The following VWDE variants were observed in gnomAD, a reference collection of about 807,000 sequenced individuals.
VWDE encodes the protein von Willebrand factor D and EGF domain-containing protein.
A neutral mutation model predicts 178.4 loss-of-function variants in VWDE; 207 were observed. The observed-to-expected ratio is 1.16, with a 90% CI of 1.04 to 1.30. The LOEUF is 1.30. VWDE is among the 50% of genes most tolerant of loss of function. The pLI is 0.00. For missense variants in VWDE, 2,287 were observed against 1,901.3 expected (o/e 1.20, Z -3.77); for synonymous variants, 738 against 651.4 (o/e 1.13, Z -2.02).
chr7:12,380,283 A>G (rs371187816), intron 5 of VWDE, among the ~76,000 whole-genome samples: 1 of 151,432 alleles, frequency 6.6e-6, no homozygotes, highest in African/African-American at 2.4e-5. Context: ...CTAAAATGAT[A>G]TATTCATATA....
chr7:12,371,593 C>T (rs78037542), intron 10 of VWDE, among the ~76,000 whole-genome samples: 4,877 of 152,120 alleles, frequency 0.032, 290 homozygotes, highest in African/African-American at 0.11. Context: ...AAAAATAACT[C>T]TTTTTTTCTC....
chr7:12,393,581 G>A lies in VWDE; in HGVS notation c.243+13C>T, dbSNP rs1005803352. On this transcript the variant is annotated intron_variant, in intron 2 of 28. Transcript: ENST00000275358. The stretch of plus-strand genomic sequence containing the variant: ...AAGGAAAATAACATGCAGTACTTAG[G>A]GAGTTGACATACCTCAACACATTTG... 2.1e-5 allele frequency: 32 copies of A among 1,527,890 alleles called. No homozygotes were observed. Among genetic ancestry groups the A allele is most frequent in the Non-Finnish European group, 2.8e-5 (32 of 1,134,936 alleles). 94.6% of individuals were successfully genotyped at this position (1,527,890 alleles called of 1,614,324 possible). A position where few individuals can be genotyped will look rare whatever the true frequency, so the allele number is the denominator to read the frequency against.
rs1224849402 is a variant in VWDE, at chr7:12,377,867, C to G, written c.933G>C (p.Arg311Ser). ...AAATAATAGGAACTGTGCTTTCTAT[C>G]CTCAGGTAGTATTCTTTCCCATCCT... Reference protein sequence around the residue: ...ISEDGKEYYLRIESTVPIICS... With the variant: ...ISEDGKEYYLSIESTVPIICS... The change falls in exon 7 of 29, where the codon AGG becomes AGC. Residue 311 changes from arginine to serine, a missense_variant. Physicochemically the swap from Arg to Ser is moderately radical, Grantham distance 110. Coordinates refer to ENST00000275358, the MANE Select transcript of VWDE (RefSeq NM_001135924.3). 1 of 1,526,752 alleles carries G rather than the reference C, an allele frequency of 6.5e-7. No individual in the cohort carries two copies. Among genetic ancestry groups the G allele is most frequent in the Non-Finnish European group, 8.8e-7 (1 of 1,135,554 alleles). The allele number at this position is 1,526,752 out of a possible 1,614,324, so 94.6% of individuals were successfully genotyped here. A position where few individuals can be genotyped will look rare whatever the true frequency, so the allele number is the denominator to read the frequency against.
intron 3 of VWDE, among the ~76,000 whole-genome samples, chr7:12,386,315 C>T (rs977223117): frequency 6.6e-5 from 10 of 152,200 alleles, no homozygotes; most frequent in African/African-American, 2.4e-4. Flanking sequence ...ATGCCACTAG[C>T]TATACTAAAC....
In VWDE at chr7:12,357,371, A is replaced by C; in HGVS notation, c.3419T>G (p.Val1140Gly). The change falls in exon 17 of 29, where the codon GTT (valine) becomes GGT (glycine). Residue 1140 changes from valine to glycine, a missense_variant. Physicochemically the swap from Val to Gly is moderately radical, Grantham distance 109 (BLOSUM62 -3). Transcript: ENST00000275358. The stretch of plus-strand genomic sequence containing the variant: ...CCACATAAAAAGCCCTGCAGAGGAA[A>C]CACTTGCCCCTTCAGGACCAGAGTC... ...TLDSGPEGAS[V>G]SSAGLFMWKT... 1 of 1,552,008 alleles carries C rather than the reference A, an allele frequency of 6.4e-7. No homozygotes were observed. The highest frequency in any genetic ancestry group is 8.7e-7 in the Non-Finnish European group (1 of 1,147,062).
At chr7:12,335,602 C>T (rs1287544002) in intron 27 of VWDE, among the ~76,000 whole-genome samples, 1 of 152,028 alleles carries the variant, frequency 6.6e-6, no homozygotes, top group African/African-American at 2.4e-5. Context: ...ACTACAGGCG[C>T]CTGCCACCAC....
Position 12,370,528 on chromosome 7 carries a change from G to A in VWDE, c.1797-19C>T, listed in dbSNP as rs780536267. On this transcript the variant is annotated intron_variant, in intron 11 of 28. Coordinates refer to ENST00000275358, the MANE Select transcript of VWDE (RefSeq NM_001135924.3). ...TAAAATCCTTCCAGATGGAAAACAG[G>A]AAAGAATAGTAATTTTGTACATAAA... The A allele has an allele frequency of 2.5e-5, 39 of 1,532,510 alleles. No individual in the cohort carries two copies. Among genetic ancestry groups the A allele is most frequent in the Non-Finnish European group, 3.2e-5 (36 of 1,140,622 alleles). The allele number at this position is 1,532,510 out of a possible 1,614,324, so 94.9% of individuals were successfully genotyped here.
Position 12,340,384 on chromosome 7 carries a change from G to A in VWDE, c.4304C>T (p.Ser1435Leu), listed in dbSNP as rs780624413. 1.3e-5 allele frequency: 20 copies of A among 1,551,262 alleles called. No individual in the cohort carries two copies. The highest frequency in any genetic ancestry group is 3.6e-5 in the South Asian group (3 of 84,054). Residue 1435 changes from serine (S) to leucine (L), a missense_variant, in exon 24 of 29, where the codon TCG (serine) becomes TTG (leucine). Ser to Leu is a moderately radical substitution (Grantham distance 145). Coordinates refer to ENST00000275358, the MANE Select transcript of VWDE (RefSeq NM_001135924.3). ...LCDPVCLNGG[S>L]CNKPNTCLCP... ...GAGGCAAGTATTTGGCTTATTACAC[G>A]AACCACCATTGAGGCAGACAGGGTC... is the stretch of plus-strand genomic sequence containing the variant.
rs1783154627 is a variant in VWDE, at chr7:12,370,817, C to T, written c.1635G>A (p.Trp545Ter). The T allele has an allele frequency of 6.4e-7, 1 of 1,550,722 alleles. No individual in the cohort carries two copies. Among genetic ancestry groups the T allele is most frequent in the African/African-American group, 1.4e-5 (1 of 72,900 alleles). Reference protein sequence around the residue: ...GAFIRADLGEWGMSLTIRAPS... With the variant: ...GAFIRADLGE ...GGGCTCTGATCGTTAGACTCATGCCCCATTCACCAAGATCAGCACGGATAA... is the reference window on the plus strand; with the variant it reads ...GGGCTCTGATCGTTAGACTCATGCCTCATTCACCAAGATCAGCACGGATAA... The change falls in exon 11 of 29, where the codon TGG (tryptophan) becomes TGA (stop). Residue 545 changes from tryptophan to a stop codon, truncating the protein, a stop_gained. Coordinates refer to ENST00000275358, the MANE Select transcript of VWDE (RefSeq NM_001135924.3). LOFTEE classifies it high-confidence loss of function.
intron 10 of VWDE, among the ~76,000 whole-genome samples, chr7:12,372,595 A>G (rs1168524704): frequency 6.6e-6 from 1 of 152,084 alleles, no homozygotes; most frequent in African/African-American, 2.4e-5. Context: ...TCCTGACTTC[A>G]TATTCTATTA....
chr7:12,333,678 A>C, intron 27 of VWDE, 110 bp from the exon 28 acceptor site: 1 of 696,616 alleles, frequency 1.4e-6, no homozygotes, highest in Non-Finnish European at 2.6e-6. Context: ...ATGCAGTCAT[A>C]AGAATCTATT....
chr7:12,359,565 AAG>A lies in VWDE; in HGVS notation c.3274+11_3274+12del. On this transcript the variant is annotated intron_variant, in intron 16 of 28. Transcript: ENST00000275358. ...TGTATAGGAAATATTTGGATTAATA[AAG>A]AGTAACTTACTTTCTAAAAATGACC... 2.0e-6 allele frequency: 3 copies of A among 1,485,988 alleles called. No individual in the cohort carries two copies. The highest frequency in any genetic ancestry group is 2.7e-6 in the Non-Finnish European group (3 of 1,091,324). 92.1% of individuals were successfully genotyped at this position (1,485,988 alleles called of 1,614,324 possible).
At chr7:12,337,509 G>T (rs1172342151) in intron 24 of VWDE, among the ~76,000 whole-genome samples, 1 of 152,124 alleles carries the variant, frequency 6.6e-6, no homozygotes, top group Non-Finnish European at 1.5e-5. Context: ...ATAACAAATT[G>T]AGTCTTTCAT....
rs1783047187 is a variant in VWDE, at chr7:12,369,604, A to G, written c.2702T>C (p.Met901Thr). 3 of 1,551,278 alleles carry G rather than the reference A, an allele frequency of 1.9e-6. No individual in the cohort carries two copies. Among genetic ancestry groups the G allele is most frequent in the Non-Finnish European group, 2.6e-6 (3 of 1,146,682 alleles). Residue 901 changes from methionine (M) to threonine (T), a missense_variant, in exon 12 of 29, where the codon ATG becomes ACG. Physicochemically the swap from Met to Thr is moderately conservative, Grantham distance 81. Transcript: ENST00000275358. Reference sequence around the variant, plus strand: ...TGGGGAACACGCACACCCCCATTCCATGCACTGCCCATTGCCGCTGCATAA... The same window carrying G: ...TGGGGAACACGCACACCCCCATTCCGTGCACTGCCCATTGCCGCTGCATAA... ...PNLCSGNGQC[M>T]EWGCACSPSF...
At position 12,337,217 on chromosome 7, in the gene VWDE, G is replaced by A. The variant is rs576821719; in HGVS notation, c.4422C>T (p.Cys1474=). 46 of 1,551,910 alleles carry A rather than the reference G, an allele frequency of 3.0e-5. No homozygotes were observed. Among genetic ancestry groups the A allele is most frequent in the South Asian group, 5.9e-5 (5 of 84,058 alleles). The part of the protein sequence containing the change: ...NGGHCMRNNV[C]VCREGYTGRR... ...TACCAGTGTATCCTTCACGACAGAC[G>A]CACACATTATTTCTCATGCAGTGGC... The change falls in exon 25 of 29, where the codon TGC becomes TGT. Residue 1474 remains cysteine, a synonymous_variant. Coordinates refer to ENST00000275358, the MANE Select transcript of VWDE (RefSeq NM_001135924.3).
intron 9 of VWDE, among the ~76,000 whole-genome samples, chr7:12,374,221 C>T (rs111816113): frequency 6.6e-5 from 10 of 152,116 alleles, no homozygotes; most frequent in African/African-American, 2.4e-4. Flanking sequence ...ATTCCAGAGG[C>T]AAATATCCAG....
chr7:12,333,544 T>A lies in VWDE; in HGVS notation c.4679A>T (p.Tyr1560Phe). 1 of 1,551,074 alleles carries A rather than the reference T, an allele frequency of 6.4e-7. No homozygotes were observed. The highest frequency in any genetic ancestry group is 8.7e-7 in the Non-Finnish European group (1 of 1,146,540). Reference protein sequence around the residue: ...QIPICNPKCLYGGRCIFPNVC... With the variant: ...QIPICNPKCLFGGRCIFPNVC... ...ATTGGGAAATATGCATCTGCCTCCA[T>A]AAAGACATTTTGGGTTGCAAATTGC... Residue 1560 changes from tyrosine to phenylalanine, a missense_variant, in exon 28 of 29, where the codon TAT becomes TTT. Physicochemically the swap from Tyr to Phe is conservative, Grantham distance 22 (BLOSUM62 3). Transcript: ENST00000275358.
chr7:12,387,139 C>G (rs1427461043), intron 3 of VWDE, among the ~76,000 whole-genome samples: 1 of 151,920 alleles, frequency 6.6e-6, no homozygotes, highest in East Asian at 1.9e-4. Context: ...GTATGTATTT[C>G]AAAACACTGA....
In VWDE at chr7:12,344,182, T is replaced by A; in HGVS notation, c.4078+13A>T. 1 of 1,548,962 alleles carries A rather than the reference T, an allele frequency of 6.5e-7. No homozygotes were observed. The highest frequency in any genetic ancestry group is 1.2e-5 in the South Asian group (1 of 83,816). On this transcript the variant is annotated intron_variant, in intron 21 of 28. Transcript: ENST00000275358. The stretch of plus-strand genomic sequence containing the variant: ...TTTAGGCCTTATATTTGATTTTTAA[T>A]TTGAATTATCACCTTCATCACAGGT...
Sources: gnomAD v4.1 joint callset for allele counts (sites outside exome capture counted in the v4.1 genomes callset) on GRCh38, gnomAD v4.1.1 for gene constraint, MANE v1.5 for transcripts, NCBI Gene and HGNC (gene_info 2026-07-23, HGNC 2026-07-21) for gene names.